Variants in SYTL4 observed in about 807,000 individuals in gnomAD.
The protein encoded by SYTL4 is synaptotagmin like 4, also known as synaptotagmin-like protein 4.
A neutral mutation model predicts 52.7 loss-of-function variants in SYTL4; 16 were observed. The ratio of observed to expected loss-of-function variants is 0.30; its 90% CI spans 0.21 to 0.46. The LOEUF (loss-of-function observed/expected upper bound fraction) is 0.46. Among genes scored for constraint, SYTL4 ranks in the 20% least tolerant of loss-of-function variants. The pLI is 1.00. For missense variants in SYTL4, 423 were observed against 519.9 expected (o/e 0.81, Z 1.81); for synonymous variants, 160 against 186.6 (o/e 0.86, Z 1.16).
intron 2 of SYTL4, among the ~76,000 whole-genome samples, chrX:100,730,227 C>G (rs778408263): frequency 9.0e-6 from 1 of 111,552 alleles, no homozygotes; most frequent in Admixed American, 9.5e-5. Flanking sequence ...ATAGTGGTAA[C>G]GTGGCAACTG....
intron 16 of SYTL4, among the ~76,000 whole-genome samples, chrX:100,684,329 T>C (rs746142560): frequency 8.9e-5 from 10 of 112,209 alleles, no homozygotes; most frequent in Non-Finnish European, 1.5e-4. Context: ...AAATATTGGA[T>C]TTATATTTCC....
chrX:100,701,140 G>A (rs768112621), intron 7 of SYTL4, 80 bp downstream of exon 7: 172 of 898,519 alleles, frequency 1.9e-4, no homozygotes, highest in Non-Finnish European at 2.6e-4. Context: ...CTAACTGGCT[G>A]AGCCCATGGA....
intron 2 of SYTL4, among the ~76,000 whole-genome samples, chrX:100,706,229 C>T (rs1037420088): frequency 8.9e-5 from 10 of 112,252 alleles, no homozygotes; most frequent in Non-Finnish European, 1.5e-4. Flanking sequence ...TGTTCAATTC[C>T]TTTACCTAGT....
rs2083589893 is a variant in SYTL4, at chrX:100,691,140, A to C, written c.609T>G (p.Asp203Glu). ...SALEAESESL[D>E]SFTADSDSTS... ...TGCTATCCGAGTCAGCTGTGAAGCT[A>C]TCCAGACTCTCACTCTCAGCTTCCA... The change falls in exon 9 of 20, where the codon GAT becomes GAG. Residue 203 changes from aspartate to glutamate, a missense_variant. By Grantham distance (45) the Asp-to-Glu change is conservative (BLOSUM62 2). Coordinates refer to ENST00000372989, the MANE Select transcript of SYTL4 (RefSeq NM_001370165.1). The C allele has an allele frequency of 8.3e-7, 1 of 1,206,997 alleles. No homozygotes were observed. Among genetic ancestry groups the C allele is most frequent in the Non-Finnish European group, 1.1e-6 (1 of 893,508 alleles).
intron 16 of SYTL4, among the ~76,000 whole-genome samples, chrX:100,682,733 G>A (rs1252500640): frequency 3.6e-5 from 4 of 111,403 alleles, no homozygotes; most frequent in African/African-American, 1.3e-4. Flanking sequence ...AAAAAGGAGG[G>A]CTTGCAAAGA....
intron 2 of SYTL4, among the ~76,000 whole-genome samples, chrX:100,724,254 T>C (rs1409219222): frequency 7.8e-5 from 7 of 90,160 alleles, no homozygotes; most frequent in Admixed American, 7.0e-4. Flanking sequence ...GTGGGGGGGG[T>C]CAGCGCCCCG....
At chrX:100,714,363 C>T (rs1472870890) in intron 2 of SYTL4, among the ~76,000 whole-genome samples, 1 of 108,916 alleles carries the variant, frequency 9.2e-6, no homozygotes, top group Non-Finnish European at 1.9e-5. Context: ...GGGTTCACGC[C>T]ATTCTCCTGC....
rs749551700 is a variant in SYTL4 at position 100,723,910 on chromosome X, G to A, written c.-240+7508C>T. ...CCGCCAGGCCAGCCACCCTGTCCGG[G>A]AGGGAGGTGGGGGGTCAGCCCCCGC... On this transcript the variant is annotated intron_variant, in intron 2 of 19. Transcript: ENST00000372989. 3.9e-3 allele frequency among the ~76,000 whole-genome samples: 411 copies of A among 104,057 alleles called. 3 individuals carry two copies. Among genetic ancestry groups the A allele is most frequent in the African/African-American group, 0.014 (380 of 26,809 alleles). 90.4% of individuals were successfully genotyped at this position (104,057 alleles called of 115,157 possible).
intron 16 of SYTL4, among the ~76,000 whole-genome samples, chrX:100,683,332 T>C (rs921747578): frequency 1.5e-4 from 16 of 108,235 alleles, no homozygotes; most frequent in African/African-American, 5.4e-4. Context: ...GAGGTGGGGT[T>C]TTGCCATGTT....
intron 2 of SYTL4, among the ~76,000 whole-genome samples, chrX:100,714,737 A>C (rs1206226886): frequency 1.8e-5 from 2 of 112,161 alleles, no homozygotes; most frequent in Non-Finnish European, 3.8e-5. Flanking sequence ...TGGAACTGTA[A>C]TATGAGTATG....
At chrX:100,693,521 C>T (rs1206908743) in intron 8 of SYTL4, among the ~76,000 whole-genome samples, 2 of 112,312 alleles carry the variant, frequency 1.8e-5, no homozygotes, top group Non-Finnish European at 3.8e-5. Context: ...ACTGCCATTA[C>T]TCTGGTCCAA....
At chrX:100,700,715 T>G (rs1051364838) in intron 8 of SYTL4, among the ~76,000 whole-genome samples, 182 bp downstream of exon 8, 10 of 112,436 alleles carry the variant, frequency 8.9e-5, no homozygotes, top group Non-Finnish European at 1.7e-4. Context: ...ACCAAAATGT[T>G]AATGTCTACA....
At chrX:100,712,504 G>A (rs747655790) in intron 2 of SYTL4, among the ~76,000 whole-genome samples, 1 of 112,028 alleles carries the variant, frequency 8.9e-6, no homozygotes, top group African/African-American at 3.2e-5. Context: ...GTTAAGGGAA[G>A]TTTAGTGGAG....
At chrX:100,688,538 T>C (rs2147711209) in intron 12 of SYTL4, 95 bp from the exon 13 acceptor site, 2 of 690,733 alleles carry the variant, frequency 2.9e-6, no homozygotes, top group East Asian at 7.2e-5. Flanking sequence ...CAAGTTGCCA[T>C]GTGTATGTGT....
At chrX:100,710,073 C>T (rs1361424207) in intron 2 of SYTL4, among the ~76,000 whole-genome samples, 1 of 111,748 alleles carries the variant, frequency 8.9e-6, no homozygotes, top group African/African-American at 3.3e-5. Flanking sequence ...TTGACCCATG[C>T]TCAAGGGCCA....
At position 100,687,053 on chromosome X, in the gene SYTL4, C is replaced by G. The variant is rs1249429122; in HGVS notation, c.1184+14G>C. On this transcript the variant is annotated intron_variant, in intron 14 of 19. Transcript: ENST00000372989. ...CTGGTCTCAGAGCATCAGTCAGGTT[C>G]CAGAAGCACTCACGGGTTAGAGCGC... 4.1e-6 allele frequency: 5 copies of G among 1,205,365 alleles called. No individual in the cohort carries two copies. The highest frequency in any genetic ancestry group is 5.6e-6 in the Non-Finnish European group (5 of 892,782).
intron 16 of SYTL4, among the ~76,000 whole-genome samples, chrX:100,681,770 G>T (rs1401627600): frequency 1.8e-5 from 2 of 112,029 alleles, no homozygotes; most frequent in African/African-American, 6.5e-5. Context: ...GTAGTGTCCT[G>T]GTATGGCATA....
rs139194208 is a variant in SYTL4, at chrX:100,696,988, C to G, written c.539+3909G>C. ...CAAGTCACAGATTTCAAAAATCGCA[C>G]CTAAGAAAACAGAAGATTTAATTCA... On this transcript the variant is annotated intron_variant, in intron 8 of 19. Coordinates refer to ENST00000372989, the MANE Select transcript of SYTL4 (RefSeq NM_001370165.1). 2.4e-3 allele frequency among the ~76,000 whole-genome samples: 271 copies of G among 111,984 alleles called. 3 individuals are homozygous for G. Among genetic ancestry groups the G allele is most frequent in the African/African-American group, 8.5e-3 (263 of 30,833 alleles).
In SYTL4 at chrX:100,689,376, T is replaced by TAA. The variant is rs762461988; in HGVS notation, c.912+478_912+479dup. The stretch of plus-strand genomic sequence containing the variant: ...GGAAACAGAGTGAGATGCTGTCTCT[T>TAA]AAAAAAAAAAAAAAAAATTGGGAGG... On this transcript the variant is annotated intron_variant, in intron 12 of 19. Transcript: ENST00000372989. 1.9e-4 allele frequency among the ~76,000 whole-genome samples: 17 copies of TAA among 89,261 alleles called. No individual in the cohort carries two copies. In the South Asian group the frequency reaches 8.1e-3, roughly 42 times the overall value. The allele number at this position is 89,261 out of a possible 115,157, so 77.5% of individuals were successfully genotyped here. A position where few individuals can be genotyped will look rare whatever the true frequency, so the allele number is the denominator to read the frequency against.
Sources: allele counts gnomAD v4.1 joint callset (sites outside exome capture counted in the v4.1 genomes callset), GRCh38; gene constraint gnomAD v4.1.1; transcripts MANE v1.5; gene names NCBI Gene and HGNC (gene_info 2026-07-23, HGNC 2026-07-21).